The following LTBP4 variants were observed in gnomAD, a reference collection of about 807,000 sequenced individuals.
LTBP4 encodes the protein latent transforming growth factor beta binding protein 4, also known as latent-transforming growth factor beta-binding protein 4.
In LTBP4, 93 loss-of-function variants were observed where a neutral mutation model predicts 180.2. The ratio of observed to expected loss-of-function variants is 0.52; its 90% CI spans 0.44 to 0.61. LTBP4 has a LOEUF of 0.61. LTBP4 is among the 20% of genes least tolerant of loss of function. The pLI is 0.00. For missense variants in LTBP4, 2,116 were observed against 2,256.5 expected (o/e 0.94, Z 1.26); for synonymous variants, 947 against 934.5 (o/e 1.01, Z -0.24).
chr19:40,629,309 C>G lies in LTBP4; in HGVS notation c.4520-87C>G. ...GACTCCAAACTGCTCAGCATCTGTGCTCCTCTGTTCCAAGAACTTAAGGGG... is the reference window on the plus strand; with the variant it reads ...GACTCCAAACTGCTCAGCATCTGTGGTCCTCTGTTCCAAGAACTTAAGGGG... On this transcript the variant is annotated intron_variant, in intron 29 of 29. Coordinates refer to ENST00000396819, the MANE Select transcript of LTBP4 (RefSeq NM_001042545.2). This position sits in a 1 kb window ranked among gnomAD's most constrained non-coding sequence, Gnocchi z 4.5. 1 of 1,560,708 alleles carries G rather than the reference C, an allele frequency of 6.4e-7. No individual in the cohort carries two copies.
At chr19:40,599,071 C>T (rs55815263), upstream of LTBP4, 164,238 of 853,032 alleles carry the variant, frequency 0.19, 16,749 homozygotes, top group South Asian at 0.29. Context: ...GGAGAAGAAC[C>T]TCGTTAGTCA....
chr19:40,608,901 TCAA>T, intron 9 of LTBP4: 3 of 38,224 alleles, frequency 7.8e-5, no homozygotes, highest in Non-Finnish European at 4.1e-5. Context: ...ACACTCCATC[TCAA>T]AAAAAAAAAA....
upstream of LTBP4, chr19:40,598,731 C>G (rs1403683384): frequency 1.6e-5 from 4 of 244,590 alleles, no homozygotes; most frequent in African/African-American, 4.6e-5. Flanking sequence ...GAGGGAAGAG[C>G]CTTCCCTCCC....
In LTBP4 at chr19:40,608,385, C is replaced by T. The variant is rs749872456; in HGVS notation, c.1306+16C>T. ...CCATCTGCAGGTGAGCTGGCTCTGG[C>T]AGAAGTGGGTGCCATCTTCAAGGGG... On this transcript the variant is annotated intron_variant, in intron 8 of 29. Transcript: ENST00000396819. The T allele has an allele frequency of 1.9e-6, 3 of 1,609,992 alleles. No homozygotes were observed. Among genetic ancestry groups the T allele is most frequent in the East Asian group, 2.2e-5 (1 of 44,778 alleles).
chr19:40,611,810 G>A lies in LTBP4; in HGVS notation c.2054-49G>A, dbSNP rs572243807. ...CTGGGGTGGGTGGTGATGGCCATGG[G>A]AATGGATTCAGGCCCCTTCCTCAGC... On this transcript the variant is annotated intron_variant, in intron 13 of 29. Transcript: ENST00000396819. This position sits in a 1 kb window ranked among gnomAD's most constrained non-coding sequence, Gnocchi z 4.4. 143 of 1,573,180 alleles carry A rather than the reference G, an allele frequency of 9.1e-5. No individual in the cohort carries two copies. The South Asian group carries it at 1.6e-3, about 17-fold the overall frequency.
intron 11 of LTBP4, 126 bp from the exon 12 acceptor site, chr19:40,610,406 C>A: frequency 8.6e-7 from 1 of 1,163,744 alleles, no homozygotes; most frequent in Non-Finnish European, 1.2e-6. Context: ...GCTGTCCTGG[C>A]CGGGTCCCCA....
Position 40,629,708 on chromosome 19 carries a change from G to A in LTBP4, c.*158G>A, listed in dbSNP as rs939224636. Reference sequence around the variant, plus strand: ...AGCTGCGACGCCCTGCACTGCTCCCGCCTCCACCAGCGCCTCCCACTGATG... The same window carrying A: ...AGCTGCGACGCCCTGCACTGCTCCCACCTCCACCAGCGCCTCCCACTGATG... On this transcript the variant is annotated 3_prime_UTR_variant, in exon 30 of 30. Coordinates refer to ENST00000396819, the MANE Select transcript of LTBP4 (RefSeq NM_001042545.2). The surrounding 1 kb of genome is among the most constrained non-coding windows in gnomAD (Gnocchi z 4.5). The A allele has an allele frequency of 7.5e-6, 5 of 668,288 alleles. No individual in the cohort carries two copies. Among genetic ancestry groups the A allele is most frequent in the Non-Finnish European group, 8.4e-6 (4 of 476,606 alleles). The allele number at this position is 668,288 out of a possible 1,614,324, so 41.4% of individuals were successfully genotyped here. A position where few individuals can be genotyped will look rare whatever the true frequency, so the allele number is the denominator to read the frequency against.
intron 1 of LTBP4, chr19:40,593,243 TTTTG>T (rs1301494379): frequency 2.4e-5 from 39 of 1,601,758 alleles, no homozygotes; most frequent in Middle Eastern, 1.9e-4. Context: ...CTAATTTTGT[TTTTG>T]TTTGTTTGTT....
intron 1 of LTBP4, among the ~76,000 whole-genome samples, chr19:40,602,147 G>T (rs1164014161): frequency 1.3e-5 from 1 of 74,164 alleles, no homozygotes; most frequent in Non-Finnish European, 2.7e-5. Flanking sequence ...GACGGGGGTT[G>T]TGTGTGTGTG....
At chr19:40,623,776 C>G in intron 25 of LTBP4, 44 bp downstream of exon 25, 3 of 1,609,784 alleles carry the variant, frequency 1.9e-6, no homozygotes, top group Non-Finnish European at 2.6e-6. Flanking sequence ...TCTCTCCAAC[C>G]CCTAGCCTTG....
In LTBP4 at chr19:40,611,437, T is replaced by G; in HGVS notation, c.2053+43T>G. 1 of 1,567,496 alleles carries G rather than the reference T, an allele frequency of 6.4e-7. No homozygotes were observed. On this transcript the variant is annotated intron_variant, in intron 13 of 29. Transcript: ENST00000396819. The surrounding 1 kb of genome is among the most constrained non-coding windows in gnomAD (Gnocchi z 4.4). The stretch of plus-strand genomic sequence containing the variant: ...AGCCCTACTCCATCACTGTTTGCTG[T>G]GGAGACTGGAGAGAGATTATTGAGG...
At chr19:40,602,145 T>TTGTGTGTGTG (rs751242257) in intron 1 of LTBP4, among the ~76,000 whole-genome samples, 83 of 81,816 alleles carry the variant, frequency 1.0e-3, no homozygotes, top group African/African-American at 4.3e-3. Context: ...GAGACGGGGG[T>TTGTGTGTGTG]TGTGTGTGTG....
chr19:40,603,544 C>T (rs1392193245), intron 1 of LTBP4, among the ~76,000 whole-genome samples: 4 of 152,252 alleles, frequency 2.6e-5, no homozygotes, highest in Admixed American at 2.6e-4. Flanking sequence ...CCTCAGTTTC[C>T]TCTGAGCTAG....
chr19:40,607,369 A>G lies in LTBP4; in HGVS notation c.996A>G (p.Gln332=), dbSNP rs773173450. 1.2e-6 allele frequency: 2 copies of G among 1,611,800 alleles called. No individual in the cohort carries two copies. Among genetic ancestry groups the G allele is most frequent in the South Asian group, 1.1e-5 (1 of 90,684 alleles). ...LDSSRSSCIS[Q]HVISEAKGPC... ...TTTCCTCCCTGCTCCTCGCAGCCCA[A>G]CACGTGATCTCAGAGGCCAAAGGGC... The change falls in exon 7 of 30, where the codon CAA becomes CAG. Residue 332 remains glutamine (Q), a synonymous_variant. Transcript: ENST00000396819.
chr19:40,594,579 G>T (rs1224036968), intron 1 of LTBP4: 1 of 152,276 alleles, frequency 6.6e-6, no homozygotes, highest in Non-Finnish European at 1.5e-5. Flanking sequence ...GGGGGAAGCG[G>T]GTAGGGATAT....
Position 40,612,083 on chromosome 19 carries a change from G to A in LTBP4, c.2190G>A (p.Glu730=), listed in dbSNP as rs1131622. 6.2e-7 allele frequency: 1 copy of A among 1,613,590 alleles called. No homozygotes were observed. The highest frequency in any genetic ancestry group is 8.5e-7 in the Non-Finnish European group (1 of 1,179,764). The change falls in exon 15 of 30, where the codon GAG becomes GAA. Residue 730 remains glutamate (E), a synonymous_variant. Transcript: ENST00000396819. Reference sequence around the variant, plus strand: ...TCCCCTGCCCCCCAGATGTGGATGAGTGTGAGAACCACCTCGCATGCCCTG... The same window carrying A: ...TCCCCTGCCCCCCAGATGTGGATGAATGTGAGAACCACCTCGCATGCCCTG... ...TAGSECEDVD[E]CENHLACPGQ...
At chr19:40,595,769 G>A (rs1311859034) in intron 1 of LTBP4, among the ~76,000 whole-genome samples, 1 of 151,874 alleles carries the variant, frequency 6.6e-6, no homozygotes, top group Admixed American at 6.6e-5. Flanking sequence ...CGTCCAGGCT[G>A]GAGTGCAGTG....
rs1418669799 is a variant in LTBP4, at chr19:40,629,360, C to T, written c.4520-36C>T. The T allele has an allele frequency of 1.2e-6, 2 of 1,611,126 alleles. No individual in the cohort carries two copies. Among genetic ancestry groups the T allele is most frequent in the African/African-American group, 1.3e-5 (1 of 74,780 alleles). ...CCAAGGAGGCGAGCTTCTGGGGCCC[C>T]AGCCTTCAGCAGCGATCGTTGTCTC... On this transcript the variant is annotated intron_variant, in intron 29 of 29. Transcript: ENST00000396819. This position sits in a 1 kb window ranked among gnomAD's most constrained non-coding sequence, Gnocchi z 4.5.
Position 40,629,746 on chromosome 19 carries a change from G to A in LTBP4, c.*196G>A, listed in dbSNP as rs2081665510. On this transcript the variant is annotated 3_prime_UTR_variant, in exon 30 of 30. Coordinates refer to ENST00000396819, the MANE Select transcript of LTBP4 (RefSeq NM_001042545.2). The surrounding 1 kb of genome is among the most constrained non-coding windows in gnomAD (Gnocchi z 4.5). ...CCTCCCACTGATGTCGTGGTCCCGG[G>A]CCTGGCCCAGGGGCCCCTTTACATG... 1.1e-5 allele frequency: 5 copies of A among 463,108 alleles called. No homozygotes were observed. Among genetic ancestry groups the A allele is most frequent in the Non-Finnish European group, 1.7e-5 (5 of 294,604 alleles). 28.7% of individuals were successfully genotyped at this position (463,108 alleles called of 1,614,324 possible).
Sources: gnomAD v4.1 joint callset for allele counts (sites outside exome capture counted in the v4.1 genomes callset) on GRCh38, gnomAD v4.1.1 for gene constraint, Gnocchi (gnomAD v3.1) non-coding constraint, MANE v1.5 for transcripts, NCBI Gene and HGNC (gene_info 2026-07-23, HGNC 2026-07-21) for gene names.